Variants in EFNB2 observed in about 807,000 individuals in gnomAD.
EFNB2 encodes the protein ephrin B2, also known as ephrin-B2.
EFNB2 carries 5 observed loss-of-function variants against 32.1 expected under a neutral mutation model. The ratio of observed to expected loss-of-function variants is 0.16; its 90% CI spans 0.08 to 0.33. The LOEUF (loss-of-function observed/expected upper bound fraction) is 0.33, where lower values mean the gene tolerates loss of function less well. Among genes scored for constraint, EFNB2 ranks in the 10% least tolerant of loss-of-function variants. EFNB2 has a pLI of 1.00. For synonymous variants in EFNB2, 168 were observed against 166.5 expected, an observed-to-expected ratio of 1.01 and a Z score of -0.07; for missense variants, 263 against 422.6, an observed-to-expected ratio of 0.62 and a Z score of 3.31.
chr13:106,510,599 C>A lies in EFNB2; in HGVS notation c.406+1930G>T, dbSNP rs150785891. Among the ~76,000 whole-genome samples the A allele has an allele frequency of 4.9e-3, 748 of 151,228 alleles. 19 individuals carry two copies. The highest frequency in any genetic ancestry group is 0.02 in the Middle Eastern group (6 of 294). On this transcript the variant is annotated intron_variant, in intron 2 of 4. Transcript: ENST00000646441. ...TGTGTCCCCTCTTCCCGTACCACGA[C>A]CTTCTTTCTCCCACCCCACCTAGGG...
At chr13:106,499,822 A>C (rs1387964412) in intron 2 of EFNB2, among the ~76,000 whole-genome samples, 2 of 152,212 alleles carry the variant, frequency 1.3e-5, no homozygotes, top group Non-Finnish European at 2.9e-5. Context: ...TGTTTTTAAA[A>C]GCTTTTGCTT....
At chr13:106,512,905 A>T in intron 1 of EFNB2, 93 bp from the exon 2 acceptor site, 1 of 1,129,972 alleles carries the variant, frequency 8.8e-7, no homozygotes, top group Non-Finnish European at 1.2e-6. Flanking sequence ...CATAATCCCA[A>T]ACTACACATT....
chr13:106,495,874 T>A, intron 2 of EFNB2, 34 bp from the exon 3 acceptor site: 1 of 1,582,572 alleles, frequency 6.3e-7, no homozygotes, highest in Non-Finnish European at 8.6e-7. Context: ...AACAAAAAAA[T>A]AAAGAAAAAT....
Position 106,535,243 on chromosome 13 carries a change from C to G in EFNB2, c.-279G>C, listed in dbSNP as rs975358079. On this transcript the variant is annotated 5_prime_UTR_variant, in exon 1 of 5. Transcript: ENST00000646441. ...CCGGACGCAGCTCGGACGGCCGACT[C>G]CCGTGCGGCTCCAGGGTGCCGGGCC... is the stretch of plus-strand genomic sequence containing the variant. 6.7e-6 allele frequency: 1 copy of G among 150,134 alleles called. No homozygotes were observed. Among genetic ancestry groups the G allele is most frequent in the Non-Finnish European group, 1.5e-5 (1 of 68,276 alleles). 9.3% of individuals were successfully genotyped at this position (150,134 alleles called of 1,614,324 possible). A position where few individuals can be genotyped will look rare whatever the true frequency, so the allele number is the denominator to read the frequency against.
At chr13:106,517,963 A>G (rs900343493) in intron 1 of EFNB2, 5 of 152,254 alleles carry the variant, frequency 3.3e-5, no homozygotes, top group Non-Finnish European at 7.3e-5. Context: ...TCAATTAGAC[A>G]TAAATATTTA....
chr13:106,493,115 C>G lies in EFNB2; in HGVS notation c.927G>C (p.Gly309=), dbSNP rs7995379. ...VFCPHYEKVS[G]DYGHPVYIVQ... The stretch of plus-strand genomic sequence containing the variant: ...CGATGTACACCGGGTGCCCGTAGTC[C>G]CCGCTGACCTTCTCGTAGTGAGGGC... The change falls in exon 5 of 5, where the codon GGG becomes GGC. Residue 309 remains glycine, a synonymous_variant. Coordinates refer to ENST00000646441, the MANE Select transcript of EFNB2 (RefSeq NM_004093.4). The surrounding 1 kb of genome is among the most constrained non-coding windows in gnomAD (Gnocchi z 6.1). The G allele has an allele frequency of 9.9e-5, 160 of 1,614,046 alleles. 1 individual carries two copies. In the African/African-American group the frequency reaches 1.8e-3, roughly 18 times the overall value.
intron 1 of EFNB2, among the ~76,000 whole-genome samples, chr13:106,531,323 T>C (rs1423031138): frequency 1.3e-5 from 2 of 152,236 alleles, no homozygotes; most frequent in Non-Finnish European, 2.9e-5. Flanking sequence ...CCTGGCTCAG[T>C]TGTCCTGCAG....
At chr13:106,513,465 T>C (rs1327363488) in intron 1 of EFNB2, among the ~76,000 whole-genome samples, 1 of 152,232 alleles carries the variant, frequency 6.6e-6, no homozygotes, top group Non-Finnish European at 1.5e-5. Flanking sequence ...TGAAGTGTCC[T>C]CTACTTGCAA....
Position 106,512,647 on chromosome 13 carries a change from G to A in EFNB2, c.288C>T (p.Thr96=), listed in dbSNP as rs1249818809. 5.6e-6 allele frequency: 9 copies of A among 1,613,428 alleles called. No individual in the cohort carries two copies. Among genetic ancestry groups the A allele is most frequent in the African/African-American group, 5.3e-5 (4 of 74,864 alleles). Residue 96 remains threonine, a synonymous_variant, in exon 2 of 5, where the codon ACC becomes ACT. Coordinates refer to ENST00000646441, the MANE Select transcript of EFNB2 (RefSeq NM_004093.4). The part of the protein sequence containing the change: ...ADRCTIKKEN[T]PLLNCAKPDQ... ...CTGGTTTGGCACAGTTGAGGAGAGG[G>A]GTATTTTCCTTCTTAATAGTGCATC...
intron 2 of EFNB2, chr13:106,505,912 G>A (rs116511987): frequency 0.019 from 2,949 of 152,208 alleles, 52 homozygotes; most frequent in African/African-American, 0.044. Flanking sequence ...CAGAGTCTCC[G>A]TCCACAGCAG....
chr13:106,495,499 T>TAA (rs1255399906), intron 3 of EFNB2, among the ~76,000 whole-genome samples: 1 of 69,100 alleles, frequency 1.4e-5, no homozygotes, highest in Non-Finnish European at 2.9e-5. Context: ...ATCTATCTAT[T>TAA]ATCTATCTAT....
chr13:106,535,088 G>A lies in EFNB2; in HGVS notation c.-124C>T. 3 of 1,373,620 alleles carry A rather than the reference G, an allele frequency of 2.2e-6. No homozygotes were observed. The highest frequency in any genetic ancestry group is 2.6e-5 in the East Asian group (1 of 38,424). The allele number at this position is 1,373,620 out of a possible 1,614,324, so 85.1% of individuals were successfully genotyped here. ...ACGGCGTGCGCCCGCAGGCAGCTCC[G>A]AGGCGCGCTGCGCAGCTCCAGCGGT... On this transcript the variant is annotated 5_prime_UTR_variant, in exon 1 of 5. Coordinates refer to ENST00000646441, the MANE Select transcript of EFNB2 (RefSeq NM_004093.4).
At chr13:106,496,711 A>G (rs1364787295) in intron 2 of EFNB2, among the ~76,000 whole-genome samples, 2 of 152,092 alleles carry the variant, frequency 1.3e-5, no homozygotes, top group African/African-American at 2.4e-5. Flanking sequence ...TTTTTTCAAC[A>G]GCCTATGCTC....
At chr13:106,509,109 C>T (rs553704897) in intron 2 of EFNB2, among the ~76,000 whole-genome samples, 5 of 152,204 alleles carry the variant, frequency 3.3e-5, no homozygotes, top group African/African-American at 9.6e-5. Context: ...ATACTAAAAG[C>T]GTTTTTTAGG....
intron 1 of EFNB2, among the ~76,000 whole-genome samples, chr13:106,533,168 T>TG (rs1233136502): frequency 6.8e-6 from 1 of 147,394 alleles, no homozygotes; most frequent in African/African-American, 2.5e-5. Flanking sequence ...GCAGGCGGCC[T>TG]GGGGGAGGGG....
intron 1 of EFNB2, among the ~76,000 whole-genome samples, chr13:106,522,933 T>C (rs1465707085): frequency 1.3e-5 from 2 of 152,132 alleles, no homozygotes; most frequent in Non-Finnish European, 2.9e-5. Flanking sequence ...TAATAAGGCA[T>C]AAGATGAGAT....
chr13:106,533,454 G>A (rs1225739307), intron 1 of EFNB2, among the ~76,000 whole-genome samples: 1 of 152,226 alleles, frequency 6.6e-6, no homozygotes, highest in Non-Finnish European at 1.5e-5. Flanking sequence ...CAGACTACAT[G>A]GAAGGAGGCA....
chr13:106,525,504 G>A (rs941689050), intron 1 of EFNB2, among the ~76,000 whole-genome samples: 2 of 152,242 alleles, frequency 1.3e-5, no homozygotes, highest in African/African-American at 4.8e-5. Flanking sequence ...ATCCTGGGAC[G>A]TGTTCACAGG....
At position 106,493,990 on chromosome 13, in the gene EFNB2, T is replaced by C. The variant is rs760908604; in HGVS notation, c.614-562A>G. Among the ~76,000 whole-genome samples the C allele has an allele frequency of 5.9e-5, 9 of 152,186 alleles. No homozygotes were observed. The highest frequency in any genetic ancestry group is 1.0e-4 in the Non-Finnish European group (7 of 68,032). On this transcript the variant is annotated intron_variant, in intron 4 of 4. Transcript: ENST00000646441. The surrounding 1 kb of genome is among the most constrained non-coding windows in gnomAD (Gnocchi z 6.1). ...TTATTTGATTTACACTTAAAATATA[T>C]TTGGAAGGCAGCAGAAACTCTCACA...
Sources: allele counts gnomAD v4.1 joint callset (sites outside exome capture counted in the v4.1 genomes callset), GRCh38; gene constraint gnomAD v4.1.1; non-coding constraint Gnocchi (gnomAD v3.1); transcripts MANE v1.5; gene names NCBI Gene and HGNC (gene_info 2026-07-23, HGNC 2026-07-21).